TACC1: variants seen among roughly 807,000 people sequenced by gnomAD.
TACC1 encodes transforming acidic coiled-coil containing protein 1, also known as transforming acidic coiled-coil-containing protein 1.
In TACC1, 48 loss-of-function variants were observed where a neutral mutation model predicts 84.4. The observed-to-expected ratio is 0.57, with a 90% CI of 0.45 to 0.72. The LOEUF is 0.72. Among genes scored for constraint, TACC1 ranks in the 30% least tolerant of loss-of-function variants. TACC1 has a pLI of 0.00. For synonymous variants in TACC1, 372 were observed against 376.3 expected (o/e 0.99, Z 0.13); for missense variants, 920 against 973.0 (o/e 0.95, Z 0.72).
upstream of TACC1, among the ~76,000 whole-genome samples, chr8:38,783,098 C>A (rs201857513): frequency 0.013 from 1,533 of 116,020 alleles, 21 homozygotes; most frequent in African/African-American, 0.035. Flanking sequence ...ATCTATCTAT[C>A]TATCTATCTA....
chr8:38,799,674 C>T (rs1169316212), intron 2 of TACC1: 2 of 152,210 alleles, frequency 1.3e-5, no homozygotes, highest in African/African-American at 2.4e-5. Flanking sequence ...TAGGATGTTT[C>T]ATATACCATA....
At chr8:38,737,678 G>A (rs1806226848) in intron 1 of TACC1, among the ~76,000 whole-genome samples, 1 of 151,762 alleles carries the variant, frequency 6.6e-6, no homozygotes, top group African/African-American at 2.4e-5. Flanking sequence ...AAAGACAACA[G>A]TCCCTCTGTC....
At chr8:38,828,655 T>C (rs1038680235) in intron 5 of TACC1, among the ~76,000 whole-genome samples, 4 of 152,278 alleles carry the variant, frequency 2.6e-5, no homozygotes, top group Non-Finnish European at 2.9e-5. Flanking sequence ...TGAGGTCTTA[T>C]GAACTATTTT....
chr8:38,794,305 T>A (rs1819455265), intron 2 of TACC1, among the ~76,000 whole-genome samples: 1 of 152,178 alleles, frequency 6.6e-6, no homozygotes, highest in Admixed American at 6.5e-5. Context: ...TTTCTTAAAT[T>A]TTTTTTAAAA....
At chr8:38,825,716 T>G (rs944911877) in intron 4 of TACC1, among the ~76,000 whole-genome samples, 21 of 152,226 alleles carry the variant, frequency 1.4e-4, no homozygotes, top group Non-Finnish European at 1.5e-4. Flanking sequence ...GGTATTTTTC[T>G]TAAGTCAGAT....
chr8:38,813,444 C>T (rs1452322756), intron 2 of TACC1, among the ~76,000 whole-genome samples: 1 of 152,144 alleles, frequency 6.6e-6, no homozygotes. Flanking sequence ...TCCCGGTGAG[C>T]TCTTAGTAGC....
At chr8:38,821,861 CTA>C (rs1399772364) in intron 3 of TACC1, among the ~76,000 whole-genome samples, 4 of 152,160 alleles carry the variant, frequency 2.6e-5, no homozygotes, top group African/African-American at 9.7e-5. Context: ...GTGAAACCTA[CTA>C]CACACCTAGG....
At chr8:38,835,180 G>A (rs942285835) in intron 6 of TACC1, among the ~76,000 whole-genome samples, 2 of 151,910 alleles carry the variant, frequency 1.3e-5, no homozygotes, top group Non-Finnish European at 2.9e-5. Flanking sequence ...CGTGAACCCG[G>A]GAGGCGGAGC....
At position 38,757,461 on chromosome 8, in the gene TACC1, C is replaced by A. The variant is rs1320238369; in HGVS notation, c.26+11968C>A. On this transcript the variant is annotated intron_variant, in intron 3 of 14. Transcript: ENST00000518415. ...CCGCCTTTGGGGGTTTGCGTGCCAGCCCGGGATGGAGCGCGCTGGGGCCCG... is the reference window on the plus strand; with the variant it reads ...CCGCCTTTGGGGGTTTGCGTGCCAGACCGGGATGGAGCGCGCTGGGGCCCG... 3 of 1,106,272 alleles carry A rather than the reference C, an allele frequency of 2.7e-6. No homozygotes were observed. In the Admixed American group the frequency reaches 1.4e-4, roughly 53 times the overall value. The allele number at this position is 1,106,272 out of a possible 1,614,324, so 68.5% of individuals were successfully genotyped here.
intron 1 of TACC1, among the ~76,000 whole-genome samples, chr8:38,732,437 A>C (rs1805146211): frequency 6.6e-6 from 1 of 152,218 alleles, no homozygotes; most frequent in African/African-American, 2.4e-5. Flanking sequence ...AACAACAAAA[A>C]AAAACCCAGG....
rs1283336564 is a variant in TACC1 at position 38,787,264 on chromosome 8, A to C, written c.-319A>C. 5.7e-6 allele frequency: 6 copies of C among 1,048,912 alleles called. No individual in the cohort carries two copies. The highest frequency in any genetic ancestry group is 5.7e-6 in the Non-Finnish European group (5 of 871,518). The allele number at this position is 1,048,912 out of a possible 1,614,324, so 65.0% of individuals were successfully genotyped here. ...TCCGCGAGCCGGGAGCGGGAGCAGCAGAGGTCTAGCAGCCGGGCGCCGCGG... is the reference window on the plus strand; with the variant it reads ...TCCGCGAGCCGGGAGCGGGAGCAGCCGAGGTCTAGCAGCCGGGCGCCGCGG... On this transcript the variant is annotated 5_prime_UTR_variant, in exon 1 of 13. Transcript: ENST00000317827.
At chr8:38,775,010 C>CAAAAAAA (rs913147283) in intron 3 of TACC1, among the ~76,000 whole-genome samples, 2 of 83,736 alleles carry the variant, frequency 2.4e-5, no homozygotes, top group African/African-American at 4.3e-5. Flanking sequence ...GACTCCGTCT[C>CAAAAAAA]AAAAAAAAAA....
Position 38,787,744 on chromosome 8 carries a change from GCAAGTA to G in TACC1, c.161+4_161+9del. 1 of 1,533,532 alleles carries G rather than the reference GCAAGTA, an allele frequency of 6.5e-7. No homozygotes were observed. The highest frequency in any genetic ancestry group is 1.2e-5 in the South Asian group (1 of 83,856). 95.0% of individuals were successfully genotyped at this position (1,533,532 alleles called of 1,614,324 possible). A position where few individuals can be genotyped will look rare whatever the true frequency, so the allele number is the denominator to read the frequency against. On this transcript the variant is annotated splice_donor_variant and splice_donor_5th_base_variant and intron_variant, in intron 1 of 12. Coordinates refer to ENST00000317827, the MANE Select transcript of TACC1 (RefSeq NM_006283.3). LOFTEE classifies it high-confidence loss of function. ...CCGAGACCAAATCCTTGAGTTTCAG[GCAAGTA>G]CACGGCGTCCCCGCTGAGATGCAGA...
intron 2 of TACC1, among the ~76,000 whole-genome samples, chr8:38,815,428 TTTG>T (rs1229400398): frequency 4.0e-5 from 6 of 151,840 alleles, no homozygotes; most frequent in African/African-American, 1.2e-4. Flanking sequence ...TGTTTGTTTG[TTTG>T]TTTTTGAGAC....
At chr8:38,844,088 T>C (rs1831769353) in intron 11 of TACC1, among the ~76,000 whole-genome samples, 1 of 152,248 alleles carries the variant, frequency 6.6e-6, no homozygotes, top group Non-Finnish European at 1.5e-5. Context: ...CGTTTTTATT[T>C]TCTGCAAATC....
rs1817472527 is a variant in TACC1 at position 38,787,355 on chromosome 8, G to C, written c.-228G>C. ...GCTAGTGGAGCCCGGCGCGGGGCCC[G>C]CTGCGGCCGCACCGTGAGGGGAGGA... On this transcript the variant is annotated 5_prime_UTR_variant, in exon 1 of 13. Coordinates refer to ENST00000317827, the MANE Select transcript of TACC1 (RefSeq NM_006283.3). 7.7e-7 allele frequency: 1 copy of C among 1,305,484 alleles called. No individual in the cohort carries two copies. Among genetic ancestry groups the C allele is most frequent in the African/African-American group, 1.6e-5 (1 of 64,290 alleles). 80.9% of individuals were successfully genotyped at this position (1,305,484 alleles called of 1,614,324 possible). A position where few individuals can be genotyped will look rare whatever the true frequency, so the allele number is the denominator to read the frequency against.
chr8:38,819,360 C>T lies in TACC1; in HGVS notation c.278-162C>T, dbSNP rs561006980. Among the ~76,000 whole-genome samples, 4 of 152,316 alleles carry T rather than the reference C, an allele frequency of 2.6e-5. No homozygotes were observed. In the South Asian group the frequency reaches 8.3e-4, roughly 32 times the overall value. ...TTCATTTTAGGGTGTTGTGCCAGCT[C>T]TTCTCTTTCAGGCTGTGCTGCCATC... is the stretch of plus-strand genomic sequence containing the variant. On this transcript the variant is annotated intron_variant, in intron 2 of 12. Coordinates refer to ENST00000317827, the MANE Select transcript of TACC1 (RefSeq NM_006283.3).
rs751517574 is a variant in TACC1 at position 38,820,082 on chromosome 8, G to A, written c.838G>A (p.Gly280Arg). 7 of 1,614,064 alleles carry A rather than the reference G, an allele frequency of 4.3e-6. No homozygotes were observed. In the Admixed American group the frequency reaches 1.2e-4, roughly 27 times the overall value. Residue 280 changes from glycine (G) to arginine (R), a missense_variant, in exon 3 of 13, where the codon GGA becomes AGA. Gly to Arg is a moderately radical substitution (Grantham distance 125, BLOSUM62 -2). Transcript: ENST00000317827. The part of the protein sequence containing the change: ...ELDENTSPLL[G>R]DARFQKSPPD... ...GGATGAGAACACAAGTCCTTTGCTA[G>A]GAGATGCCAGGTTCCAGAAGTCTCC...
intron 3 of TACC1, among the ~76,000 whole-genome samples, chr8:38,746,766 G>A (rs1270448456): frequency 6.6e-6 from 1 of 152,114 alleles, no homozygotes; most frequent in African/African-American, 2.4e-5. Flanking sequence ...GAAAAGTTAA[G>A]GTTGAATTTT....
Sources: gnomAD v4.1 joint callset for allele counts (sites outside exome capture counted in the v4.1 genomes callset) on GRCh38, gnomAD v4.1.1 for gene constraint, MANE v1.5 for transcripts, NCBI Gene and HGNC (gene_info 2026-07-23, HGNC 2026-07-21) for gene names.